FBLN7: variants seen among roughly 807,000 people sequenced by gnomAD.
FBLN7 encodes the protein fibulin 7.
A neutral mutation model predicts 44.0 loss-of-function variants in FBLN7; 31 were observed. The observed-to-expected ratio is 0.70, with a 90% confidence interval of 0.53 to 0.95. FBLN7 has a LOEUF of 0.95. FBLN7 is among the 40% of genes least tolerant of loss of function. The pLI, the probability that FBLN7 is intolerant of heterozygous loss-of-function variation, is 0.00. For synonymous variants in FBLN7, 262 were observed against 253.4 expected, an observed-to-expected ratio of 1.03 and a Z score of -0.32; for missense variants, 573 against 618.5, an observed-to-expected ratio of 0.93 and a Z score of 0.78.
chr2:112,211,464 T>C, the FBLN7 span: 2 of 152,206 alleles, frequency 1.3e-5, no homozygotes, highest in African/African-American at 2.4e-5. Flanking sequence ...CTCTTTTTCA[T>C]TGAAAAAATC....
At chr2:112,213,232 A>G in the FBLN7 span, 4 of 152,246 alleles carry the variant, frequency 2.6e-5, no homozygotes, top group South Asian at 8.3e-4. Flanking sequence ...GGCCTCCCAA[A>G]GTGCCGAGAT....
chr2:112,170,680 G>T (rs1362665050), intron 3 of FBLN7, among the ~76,000 whole-genome samples: 1 of 152,208 alleles, frequency 6.6e-6, no homozygotes, highest in East Asian at 1.9e-4. Flanking sequence ...AGCCAGGTGA[G>T]GTGGAGAGAC....
the FBLN7 span, among the ~76,000 whole-genome samples, chr2:112,219,738 T>G: frequency 6.6e-6 from 1 of 152,138 alleles, no homozygotes. Context: ...GAGCAGAATG[T>G]ACATTCTGTT....
intron 1 of FBLN7, among the ~76,000 whole-genome samples, chr2:112,140,419 G>T (rs930104508): frequency 6.6e-5 from 10 of 152,152 alleles, no homozygotes; most frequent in African/African-American, 2.4e-4. Flanking sequence ...CTTTCCACTC[G>T]GATGCCTGGG....
chr2:112,221,706 T>A, the FBLN7 span, among the ~76,000 whole-genome samples: 1 of 152,136 alleles, frequency 6.6e-6, no homozygotes, highest in Non-Finnish European at 1.5e-5. Flanking sequence ...GTTCTTCAGC[T>A]TTATCAGGTC....
At chr2:112,183,589 T>C (rs1683108400) in intron 6 of FBLN7, among the ~76,000 whole-genome samples, 1 of 152,092 alleles carries the variant, frequency 6.6e-6, no homozygotes, top group Non-Finnish European at 1.5e-5. Context: ...CTCCTCAGGC[T>C]GGGTCACTGT....
the FBLN7 span, among the ~76,000 whole-genome samples, chr2:112,207,800 C>T: frequency 6.6e-6 from 1 of 152,156 alleles, no homozygotes; most frequent in Non-Finnish European, 1.5e-5. Context: ...GCTCTGAAGT[C>T]TATTTTATTA....
At chr2:112,236,594 C>T in the FBLN7 span, 1 of 1,613,942 alleles carries the variant, frequency 6.2e-7, no homozygotes, top group Non-Finnish European at 8.5e-7. Context: ...CTCAGCAAAG[C>T]ATTTGATCCT....
the FBLN7 span, among the ~76,000 whole-genome samples, chr2:112,208,350 G>A: frequency 4.6e-5 from 7 of 151,942 alleles, no homozygotes; most frequent in East Asian, 3.9e-4. Context: ...GCAGTGTGTC[G>A]AGATCACACC....
chr2:112,213,170 A>G, the FBLN7 span: 1 of 151,850 alleles, frequency 6.6e-6, no homozygotes, highest in Non-Finnish European at 1.5e-5. Flanking sequence ...AGATCTTGCT[A>G]TGTTGCCAAG....
the FBLN7 span, among the ~76,000 whole-genome samples, chr2:112,237,602 A>C: frequency 7.2e-4 from 108 of 150,980 alleles, 1 homozygote; most frequent in South Asian, 0.022. Flanking sequence ...TTTGAGACAG[A>C]GTCTCGCTCT....
At position 112,182,659 on chromosome 2, in the gene FBLN7, G is replaced by A. The variant is rs1283306903; in HGVS notation, c.671-132G>A. The stretch of plus-strand genomic sequence containing the variant: ...TGCTCTGCTGGGGGTAGGGCATGGC[G>A]GCTGCCCGAGGCCCAGCCACTTAAC... On this transcript the variant is annotated intron_variant, in intron 5 of 7. Coordinates refer to ENST00000331203, the MANE Select transcript of FBLN7 (RefSeq NM_153214.3). The A allele has an allele frequency of 6.3e-6, 7 of 1,107,946 alleles. No homozygotes were observed. The East Asian group carries it at 1.0e-4, about 17-fold the overall frequency. 68.6% of individuals were successfully genotyped at this position (1,107,946 alleles called of 1,614,324 possible).
the FBLN7 span, among the ~76,000 whole-genome samples, chr2:112,241,415 G>A: frequency 6.6e-6 from 1 of 152,020 alleles, no homozygotes; most frequent in Non-Finnish European, 1.5e-5. Context: ...CATAAAGCAG[G>A]GGTTCTCACC....
intron 6 of FBLN7, among the ~76,000 whole-genome samples, chr2:112,183,906 C>A (rs1683121816): frequency 6.6e-6 from 1 of 152,188 alleles, no homozygotes; most frequent in African/African-American, 2.4e-5. Flanking sequence ...TCGCAACAGT[C>A]ACCATCATCA....
intron 3 of FBLN7, among the ~76,000 whole-genome samples, chr2:112,168,548 G>T (rs1682287115): frequency 6.6e-6 from 1 of 152,224 alleles, no homozygotes; most frequent in African/African-American, 2.4e-5. Flanking sequence ...GTGATTCATG[G>T]TTGTTGTCTC....
At chr2:112,237,291 A>G in the FBLN7 span, among the ~76,000 whole-genome samples, 1 of 152,216 alleles carries the variant, frequency 6.6e-6, no homozygotes, top group Non-Finnish European at 1.5e-5. Context: ...TATAAGTTCT[A>G]AGGCAGATCC....
chr2:112,222,770 CAA>C, the FBLN7 span, among the ~76,000 whole-genome samples: 1 of 152,106 alleles, frequency 6.6e-6, no homozygotes, highest in Non-Finnish European at 1.5e-5. Flanking sequence ...GCCTTGAAGA[CAA>C]GAGGAAATGG....
chr2:112,227,460 G>A, the FBLN7 span, among the ~76,000 whole-genome samples: 15 of 152,290 alleles, frequency 9.8e-5, no homozygotes, highest in Admixed American at 3.3e-4. Context: ...GCAAGGCCGC[G>A]GTTGCAGTGA....
At chr2:112,225,597 AC>A in the FBLN7 span, among the ~76,000 whole-genome samples, 4 of 152,238 alleles carry the variant, frequency 2.6e-5, no homozygotes, top group Non-Finnish European at 5.9e-5. Flanking sequence ...CGGGCAGATC[AC>A]TTGAGGTCAG....
Sources: gnomAD v4.1 joint callset for allele counts (sites outside exome capture counted in the v4.1 genomes callset) on GRCh38, gnomAD v4.1.1 for gene constraint, MANE v1.5 for transcripts, NCBI Gene and HGNC (gene_info 2026-07-23, HGNC 2026-07-21) for gene names.